The following VAV2 variants were observed in gnomAD, a reference collection of about 807,000 sequenced individuals.
VAV2 encodes guanine nucleotide exchange factor VAV2.
VAV2 carries 67 observed loss-of-function variants against 132.5 expected under a neutral mutation model. That is an observed-to-expected ratio of 0.51 (90% CI 0.42 to 0.62). The LOEUF is 0.62. Among genes scored for constraint, VAV2 ranks in the 20% least tolerant of loss-of-function variants. The pLI is 0.00. For missense variants in VAV2, 938 were observed against 1,153.6 expected, an observed-to-expected ratio of 0.81 and a Z score of 2.71; for synonymous variants, 492 against 443.5, an observed-to-expected ratio of 1.11 and a Z score of -1.37.
chr9:133,872,729 C>T (rs577264138), intron 2 of VAV2, among the ~76,000 whole-genome samples: 217 of 144,308 alleles, frequency 1.5e-3, no homozygotes, highest in Middle Eastern at 3.6e-3. Flanking sequence ...CGGGGCAGCA[C>T]GTCCTCTCCA....
chr9:133,938,403 G>A (rs747914736), intron 2 of VAV2, among the ~76,000 whole-genome samples: 4 of 152,096 alleles, frequency 2.6e-5, no homozygotes, highest in Admixed American at 6.5e-5. Flanking sequence ...TGGCCCCTGC[G>A]TCCCTCTGTA....
chr9:133,786,126 A>C (rs1251208916), intron 16 of VAV2: 1 of 556,134 alleles, frequency 1.8e-6, no homozygotes, highest in African/African-American at 1.9e-5. Context: ...CTCACGTGAG[A>C]ATACATATGC....
At position 133,963,299 on chromosome 9, in the gene VAV2, C is replaced by T. The variant is rs116531223; in HGVS notation, c.205-24080G>A. On this transcript the variant is annotated intron_variant, in intron 1 of 29. Transcript: ENST00000371850. Reference sequence around the variant, plus strand: ...AGTCAGCAGCCCAGGATTACTAGCACGGTCAGGAAGACCCAGGAAACGCCA... The same window carrying T: ...AGTCAGCAGCCCAGGATTACTAGCATGGTCAGGAAGACCCAGGAAACGCCA... 2.2e-3 allele frequency among the ~76,000 whole-genome samples: 330 copies of T among 152,264 alleles called. 2 individuals carry two copies. Among genetic ancestry groups the T allele is most frequent in the African/African-American group, 7.6e-3 (317 of 41,540 alleles).
intron 1 of VAV2, among the ~76,000 whole-genome samples, chr9:133,971,810 G>A (rs1326199459): frequency 2.0e-5 from 3 of 152,156 alleles, no homozygotes; most frequent in Non-Finnish European, 2.9e-5. Flanking sequence ...TGGGGAGGCG[G>A]CCAGGGCTTC....
intron 2 of VAV2, among the ~76,000 whole-genome samples, chr9:133,900,665 A>G (rs1439244499): frequency 6.6e-6 from 1 of 152,124 alleles, no homozygotes; most frequent in Non-Finnish European, 1.5e-5. Flanking sequence ...CATAAAAATG[A>G]GCAATTTCCC....
At chr9:133,897,783 C>A (rs931929094) in intron 2 of VAV2, among the ~76,000 whole-genome samples, 1 of 152,162 alleles carries the variant, frequency 6.6e-6, no homozygotes, top group African/African-American at 2.4e-5. Context: ...CCTGAAATGT[C>A]TGTATTTAAT....
Position 133,991,105 on chromosome 9 carries a change from A to C in VAV2, c.204+970T>G, listed in dbSNP as rs557324206. 6.6e-6 allele frequency among the ~76,000 whole-genome samples: 1 copy of C among 152,170 alleles called. No individual in the cohort carries two copies. Among genetic ancestry groups the C allele is most frequent in the Non-Finnish European group, 1.5e-5 (1 of 67,988 alleles). On this transcript the variant is annotated intron_variant, in intron 1 of 29. Transcript: ENST00000371850. This position sits in a 1 kb window ranked among gnomAD's most constrained non-coding sequence, Gnocchi z 4.8. ...TGGTCCCTCTCCACATGGAGTTGCC[A>C]CTGCGCGCGGTGAGGGGCTGCTGAG... is the stretch of plus-strand genomic sequence containing the variant.
At chr9:133,934,025 T>C (rs1840810469) in intron 2 of VAV2, among the ~76,000 whole-genome samples, 2 of 148,916 alleles carry the variant, frequency 1.3e-5, no homozygotes, top group African/African-American at 5.0e-5. Flanking sequence ...GATGGACGGA[T>C]GGGTGGATGG....
chr9:133,790,253 T>A (rs759033252), intron 13 of VAV2, among the ~76,000 whole-genome samples: 4 of 152,230 alleles, frequency 2.6e-5, no homozygotes, highest in Non-Finnish European at 5.9e-5. Flanking sequence ...CGTGGCTCAC[T>A]GCAACCTCTG....
At chr9:133,920,791 A>G (rs1231306492) in intron 2 of VAV2, among the ~76,000 whole-genome samples, 1 of 152,042 alleles carries the variant, frequency 6.6e-6, no homozygotes, top group African/African-American at 2.4e-5. Context: ...CTGCCTGACG[A>G]CACGGGGCCG....
chr9:133,876,042 G>T (rs1838250329), intron 2 of VAV2, among the ~76,000 whole-genome samples: 1 of 152,228 alleles, frequency 6.6e-6, no homozygotes, highest in South Asian at 2.1e-4. Flanking sequence ...TCAGGCCTTT[G>T]GGCTCAGACT....
intron 2 of VAV2, among the ~76,000 whole-genome samples, chr9:133,881,526 C>A (rs1048755503): frequency 8.5e-5 from 13 of 152,054 alleles, no homozygotes; most frequent in African/African-American, 3.1e-4. Flanking sequence ...CAGGTGGAGA[C>A]GAGGAACTGA....
intron 1 of VAV2, among the ~76,000 whole-genome samples, chr9:133,960,091 C>A (rs1181224458): frequency 6.6e-6 from 1 of 152,184 alleles, no homozygotes; most frequent in East Asian, 1.9e-4. Context: ...TCTTTGCCAT[C>A]GCCCCTGCCC....
At chr9:133,810,350 G>A (rs1399608818) in intron 5 of VAV2, 145 bp from the exon 6 acceptor site, 2 of 1,328,034 alleles carry the variant, frequency 1.5e-6, no homozygotes, top group Non-Finnish European at 2.1e-6. Context: ...GTGCTGCCCA[G>A]CTGGGCAGGG....
At chr9:133,941,762 C>T (rs1007624348) in intron 1 of VAV2, among the ~76,000 whole-genome samples, 35 of 152,170 alleles carry the variant, frequency 2.3e-4, no homozygotes, top group African/African-American at 8.4e-4. Context: ...CACCACCATG[C>T]CCAGCTAATT....
chr9:133,947,399 T>G (rs895020251), intron 1 of VAV2, among the ~76,000 whole-genome samples: 5 of 152,138 alleles, frequency 3.3e-5, no homozygotes, highest in South Asian at 2.1e-4. Context: ...GGCCCGTATC[T>G]GCTTTAAAAC....
At chr9:133,989,430 G>C (rs527730461) in intron 1 of VAV2, among the ~76,000 whole-genome samples, 53 of 150,818 alleles carry the variant, frequency 3.5e-4, no homozygotes, top group Non-Finnish European at 6.0e-4. Context: ...TGAGGCAGGA[G>C]AATTGCTTGA....
At chr9:133,827,058 C>A (rs1836018459) in intron 4 of VAV2, among the ~76,000 whole-genome samples, 1 of 152,204 alleles carries the variant, frequency 6.6e-6, no homozygotes, top group South Asian at 2.1e-4. Flanking sequence ...AAAATGGGAA[C>A]TAGGAACGCT....
In VAV2 at chr9:133,928,902, C is replaced by T. The variant is rs565721917; in HGVS notation, c.321+10201G>A. Among the ~76,000 whole-genome samples, 42 of 152,286 alleles carry T rather than the reference C, an allele frequency of 2.8e-4. No homozygotes were observed. The highest frequency in any genetic ancestry group is 4.9e-4 in the Non-Finnish European group (33 of 68,014). Reference sequence around the variant, plus strand: ...CACTCCAGGCCACTGGAATGGCCATCAGATGCACCCCTGCCCACTGCCAGG... The same window carrying T: ...CACTCCAGGCCACTGGAATGGCCATTAGATGCACCCCTGCCCACTGCCAGG... On this transcript the variant is annotated intron_variant, in intron 2 of 29. Coordinates refer to ENST00000371850, the MANE Select transcript of VAV2 (RefSeq NM_001134398.2). The surrounding 1 kb of genome is among the most constrained non-coding windows in gnomAD (Gnocchi z 5.4).
Sources: gnomAD v4.1 joint callset for allele counts (sites outside exome capture counted in the v4.1 genomes callset) on GRCh38, gnomAD v4.1.1 for gene constraint, Gnocchi (gnomAD v3.1) non-coding constraint, MANE v1.5 for transcripts, NCBI Gene and HGNC (gene_info 2026-07-23, HGNC 2026-07-21) for gene names.